Variants in LCAT observed in about 807,000 individuals in gnomAD.
LCAT encodes the protein lecithin-cholesterol acyltransferase.
In LCAT, 15 loss-of-function variants were observed where a neutral mutation model predicts 41.0. That is an observed-to-expected ratio of 0.37 (90% CI 0.24 to 0.56). LCAT has a LOEUF of 0.56. Among genes scored for constraint, LCAT ranks in the 20% least tolerant of loss-of-function variants. The pLI, the probability that LCAT is intolerant of heterozygous loss-of-function variation, is 0.81. For synonymous variants in LCAT, 248 were observed against 245.4 expected (o/e 1.01, Z -0.10); for missense variants, 449 against 595.1 (o/e 0.75, Z 2.55).
At position 67,943,072 on chromosome 16, in the gene LCAT, A is replaced by G. The variant is rs2058301707; in HGVS notation, c.295T>C (p.Trp99Arg). ...NMFLPLGVDC[W>R]IDNTRVVYNR... is the part of the protein sequence containing the mutation. Reference sequence around the variant, plus strand: ...TGGCTGTACCTGGTGTTATCGATCCAGCAGTCTACCCCAAGGGGTAGGAAC... The same window carrying G: ...TGGCTGTACCTGGTGTTATCGATCCGGCAGTCTACCCCAAGGGGTAGGAAC... The change falls in exon 2 of 6, where the codon TGG becomes CGG. Residue 99 changes from tryptophan to arginine, a missense_variant. By Grantham distance (101) the Trp-to-Arg change is moderately radical. Transcript: ENST00000264005. This position sits in a 1 kb window ranked among gnomAD's most constrained non-coding sequence, Gnocchi z 4.6. 5 of 1,614,034 alleles carry G rather than the reference A, an allele frequency of 3.1e-6. No homozygotes were observed. Among genetic ancestry groups the G allele is most frequent in the Non-Finnish European group, 3.4e-6 (4 of 1,179,934 alleles).
At position 67,942,740 on chromosome 16, in the gene LCAT, G is replaced by A; in HGVS notation, c.454C>T (p.Leu152=). ...AGYLHTLVQN[L]VNNGYVRDET... is the part of the protein sequence containing the mutation. ...TCCCGCACGTAGCCATTGTTGACCA[G>A]GTTCTGCACCAGTGTGTGCAGGTAC... is the stretch of plus-strand genomic sequence containing the variant. The change falls in exon 4 of 6, where the codon CTG becomes TTG. Residue 152 remains leucine, a synonymous_variant. Coordinates refer to ENST00000264005, the MANE Select transcript of LCAT (RefSeq NM_000229.2). This position sits in a 1 kb window ranked among gnomAD's most constrained non-coding sequence, Gnocchi z 6.6. 1.2e-6 allele frequency: 2 copies of A among 1,612,918 alleles called. No individual in the cohort carries two copies. The highest frequency in any genetic ancestry group is 8.5e-7 in the Non-Finnish European group (1 of 1,179,950).
Position 67,943,863 on chromosome 16 carries a change from G to T in LCAT, c.154+85C>A. The T allele has an allele frequency of 7.6e-7, 1 of 1,316,434 alleles. No homozygotes were observed. The highest frequency in any genetic ancestry group is 1.0e-6 in the Non-Finnish European group (1 of 962,830). The allele number at this position is 1,316,434 out of a possible 1,614,324, so 81.5% of individuals were successfully genotyped here. On this transcript the variant is annotated intron_variant, in intron 1 of 5. Coordinates refer to ENST00000264005, the MANE Select transcript of LCAT (RefSeq NM_000229.2). The surrounding 1 kb of genome is among the most constrained non-coding windows in gnomAD (Gnocchi z 4.6). ...GTCGGGGCTTATGCAGGGCAGAAGG[G>T]CTTTGGCCAGGTCAGCTGCCAGGGG... is the stretch of plus-strand genomic sequence containing the variant.
chr16:67,939,818 G>A lies in LCAT; in HGVS notation c.*86C>T. The A allele has an allele frequency of 6.4e-7, 1 of 1,557,212 alleles. No homozygotes were observed. The highest frequency in any genetic ancestry group is 8.7e-7 in the Non-Finnish European group (1 of 1,148,826). Reference sequence around the variant, plus strand: ...ACACAGCACTGAGCCTGTGGCTGGTGAGGAGTGAAACCTAGTGTGGGACTC... The same window carrying A: ...ACACAGCACTGAGCCTGTGGCTGGTAAGGAGTGAAACCTAGTGTGGGACTC... On this transcript the variant is annotated 3_prime_UTR_variant, in exon 6 of 6. Coordinates refer to ENST00000264005, the MANE Select transcript of LCAT (RefSeq NM_000229.2).
At chr16:67,941,652 C>A in intron 5 of LCAT, 2 of 985,042 alleles carry the variant, frequency 2.0e-6, no homozygotes, top group Non-Finnish European at 2.4e-6. Context: ...TTCCTGAGGA[C>A]CAGGGTGTGT....
At chr16:67,941,811 G>T in intron 5 of LCAT, 2 of 1,030,962 alleles carry the variant, frequency 1.9e-6, no homozygotes, top group African/African-American at 3.4e-5. Flanking sequence ...AAACAAGATG[G>T]TGTCTGTTTG....
At position 67,943,373 on chromosome 16, in the gene LCAT, T is replaced by G; in HGVS notation, c.155-161A>C. ...CTCCCCTGCTTACACCCCCTCTCCC[T>G]GCTGTCCCCCCAGTAGCCAAAGCCC... On this transcript the variant is annotated intron_variant, in intron 1 of 5. Transcript: ENST00000264005. This position sits in a 1 kb window ranked among gnomAD's most constrained non-coding sequence, Gnocchi z 4.6. 3.3e-6 allele frequency: 2 copies of G among 614,140 alleles called. No homozygotes were observed. Among genetic ancestry groups the G allele is most frequent in the Non-Finnish European group, 5.8e-6 (2 of 346,106 alleles). 38.0% of individuals were successfully genotyped at this position (614,140 alleles called of 1,614,324 possible). A position where few individuals can be genotyped will look rare whatever the true frequency, so the allele number is the denominator to read the frequency against.
Position 67,939,917 on chromosome 16 carries a change from G to A in LCAT, c.1310C>T (p.Pro437Leu), listed in dbSNP as rs376685971. The A allele has an allele frequency of 5.5e-5, 88 of 1,612,630 alleles. No homozygotes were observed. The East Asian group carries it at 6.9e-4, about 13-fold the overall frequency. ...AAAGGAAGGTCTTTATTCAGGAGGCGGGGGCTCTGGGCTGGCAGTCGGGGA... is the reference window on the plus strand; with the variant it reads ...AAAGGAAGGTCTTTATTCAGGAGGCAGGGGCTCTGGGCTGGCAGTCGGGGA... ...PASPTASPEP[P>L]PPE is the part of the protein sequence containing the mutation. Residue 437 changes from proline to leucine, a missense_variant, in exon 6 of 6, where the codon CCG becomes CTG. Coordinates refer to ENST00000264005, the MANE Select transcript of LCAT (RefSeq NM_000229.2).
chr16:67,941,682 C>G, intron 5 of LCAT: 1 of 994,648 alleles, frequency 1.0e-6, no homozygotes, highest in Non-Finnish European at 1.2e-6. Context: ...GGGTGAGGCC[C>G]AGGATGTGTG....
At chr16:67,940,694 G>T (rs1047546254) in intron 5 of LCAT, 2 of 787,584 alleles carry the variant, frequency 2.5e-6, no homozygotes, top group South Asian at 3.7e-5. Flanking sequence ...GGGTGGAGCT[G>T]TAGGGCTTCA....
At position 67,939,943 on chromosome 16, in the gene LCAT, T is replaced by C. The variant is rs1440192009; in HGVS notation, c.1284A>G (p.Ala428=). 6.2e-7 allele frequency: 1 copy of C among 1,613,356 alleles called. No homozygotes were observed. Among genetic ancestry groups the C allele is most frequent in the Non-Finnish European group, 8.5e-7 (1 of 1,179,958 alleles). ...LLGAYRQGPP[A]SPTASPEPPP... ...GGGGCTCTGGGCTGGCAGTCGGGGA[T>C]GCAGGGGGACCCTGGCGGTAGGCAC... The change falls in exon 6 of 6, where the codon GCA becomes GCG. Residue 428 remains alanine, a synonymous_variant. Transcript: ENST00000264005.
At position 67,943,108 on chromosome 16, in the gene LCAT, C is replaced by A; in HGVS notation, c.259G>T (p.Asp87Tyr). Residue 87 changes from aspartate to tyrosine, a missense_variant, in exon 2 of 6, where the codon GAT becomes TAT. Physicochemically the swap from Asp to Tyr is radical, Grantham distance 160 (BLOSUM62 -3). Coordinates refer to ENST00000264005, the MANE Select transcript of LCAT (RefSeq NM_000229.2). This position sits in a 1 kb window ranked among gnomAD's most constrained non-coding sequence, Gnocchi z 4.6. The stretch of plus-strand genomic sequence containing the variant: ...CCAAGGGGTAGGAACATGTTGAGAT[C>A]CAGCCAGATGGTGAAGAAGTCCTCT... ...KTEDFFTIWL[D>Y]LNMFLPLGVD... The A allele has an allele frequency of 1.2e-6, 2 of 1,614,018 alleles. No homozygotes were observed. Among genetic ancestry groups the A allele is most frequent in the Non-Finnish European group, 1.7e-6 (2 of 1,179,954 alleles).
chr16:67,940,063 T>C lies in LCAT; in HGVS notation c.1164A>G (p.Pro388=), dbSNP rs761272947. Residue 388 remains proline, a synonymous_variant, in exon 6 of 6, where the codon CCA becomes CCG. Coordinates refer to ENST00000264005, the MANE Select transcript of LCAT (RefSeq NM_000229.2). ...ELCGLWQGRQ[P]QPVHLLPLHG... ...GCAGGGGCAGCAGGTGCACAGGCTG[T>C]GGCTGGCGGCCCTGCCACAGGCCAC... 1 of 1,612,756 alleles carries C rather than the reference T, an allele frequency of 6.2e-7. No individual in the cohort carries two copies.
chr16:67,940,885 G>C (rs189766806), intron 5 of LCAT: 1 of 215,722 alleles, frequency 4.6e-6, no homozygotes, highest in Non-Finnish European at 9.5e-6. Context: ...TGCACCTCTA[G>C]TCCTAGCTAC....
Position 67,943,366 on chromosome 16 carries a change from CT to C in LCAT, c.155-155del. 1 of 717,276 alleles carries C rather than the reference CT, an allele frequency of 1.4e-6. No individual in the cohort carries two copies. The highest frequency in any genetic ancestry group is 2.4e-6 in the Non-Finnish European group (1 of 413,896). The allele number at this position is 717,276 out of a possible 1,614,324, so 44.4% of individuals were successfully genotyped here. A position where few individuals can be genotyped will look rare whatever the true frequency, so the allele number is the denominator to read the frequency against. On this transcript the variant is annotated intron_variant, in intron 1 of 5. Transcript: ENST00000264005. This position sits in a 1 kb window ranked among gnomAD's most constrained non-coding sequence, Gnocchi z 4.6. ...ACTTACCCTCCCCTGCTTACACCCC[CT>C]CTCCCTGCTGTCCCCCCAGTAGCCA...
chr16:67,943,286 AGT>A lies in LCAT; in HGVS notation c.155-76_155-75del. The A allele has an allele frequency of 4.7e-6, 7 of 1,505,330 alleles. No individual in the cohort carries two copies. Among genetic ancestry groups the A allele is most frequent in the Non-Finnish European group, 6.3e-6 (7 of 1,109,156 alleles). 93.2% of individuals were successfully genotyped at this position (1,505,330 alleles called of 1,614,324 possible). On this transcript the variant is annotated intron_variant, in intron 1 of 5. Coordinates refer to ENST00000264005, the MANE Select transcript of LCAT (RefSeq NM_000229.2). The surrounding 1 kb of genome is among the most constrained non-coding windows in gnomAD (Gnocchi z 4.6). ...TTACCCCCGTCACCCCAGATGCTGC[AGT>A]GACCAGACCCACCCCCCACCTCCCA...
chr16:67,943,309 T>G lies in LCAT; in HGVS notation c.155-97A>C. The G allele has an allele frequency of 3.6e-6, 4 of 1,098,858 alleles. No individual in the cohort carries two copies. Among genetic ancestry groups the G allele is most frequent in the Non-Finnish European group, 5.0e-6 (4 of 792,140 alleles). The allele number at this position is 1,098,858 out of a possible 1,614,324, so 68.1% of individuals were successfully genotyped here. A position where few individuals can be genotyped will look rare whatever the true frequency, so the allele number is the denominator to read the frequency against. ...GCAGTGACCAGACCCACCCCCCACC[T>G]CCCATACCCTCAACCCCCAGGTACA... is the stretch of plus-strand genomic sequence containing the variant. On this transcript the variant is annotated intron_variant, in intron 1 of 5. Coordinates refer to ENST00000264005, the MANE Select transcript of LCAT (RefSeq NM_000229.2). This position sits in a 1 kb window ranked among gnomAD's most constrained non-coding sequence, Gnocchi z 4.6.
In LCAT at chr16:67,943,522, G is replaced by A; in HGVS notation, c.155-310C>T. 2 of 519,638 alleles carry A rather than the reference G, an allele frequency of 3.8e-6. No individual in the cohort carries two copies. The highest frequency in any genetic ancestry group is 7.0e-6 in the Non-Finnish European group (2 of 285,396). 32.2% of individuals were successfully genotyped at this position (519,638 alleles called of 1,614,324 possible). ...CCAAAGTCCAAGGTGGGAACAGATA[G>A]GTCTGGGGGCATGGGGGCTGGGCCT... On this transcript the variant is annotated intron_variant, in intron 1 of 5. Transcript: ENST00000264005. The surrounding 1 kb of genome is among the most constrained non-coding windows in gnomAD (Gnocchi z 4.6).
rs1419158218 is a variant in LCAT at position 67,942,976 on chromosome 16, C to T, written c.312G>A (p.Arg104=). The T allele has an allele frequency of 1.2e-6, 2 of 1,613,714 alleles. No individual in the cohort carries two copies. The highest frequency in any genetic ancestry group is 1.7e-5 in the Admixed American group (1 of 59,994). Residue 104 remains arginine (R), a splice_region_variant and synonymous_variant, in exon 3 of 6, where the codon AGG becomes AGA. Coordinates refer to ENST00000264005, the MANE Select transcript of LCAT (RefSeq NM_000229.2). This position sits in a 1 kb window ranked among gnomAD's most constrained non-coding sequence, Gnocchi z 6.6. ...GCCCAGAGCTCCGGTTGTAGACAAC[C>T]CTGCGGGGCGGGGGTGCCACTCAGC... is the stretch of plus-strand genomic sequence containing the variant. ...LGVDCWIDNT[R]VVYNRSSGLV... is the part of the protein sequence containing the mutation.
At position 67,939,936 on chromosome 16, in the gene LCAT, T is replaced by G; in HGVS notation, c.1291A>C (p.Thr431Pro). 3 of 1,613,366 alleles carry G rather than the reference T, an allele frequency of 1.9e-6. No individual in the cohort carries two copies. The highest frequency in any genetic ancestry group is 2.5e-6 in the Non-Finnish European group (3 of 1,179,908). ...AYRQGPPASP[T>P]ASPEPPPPE ...GGAGGCGGGGGCTCTGGGCTGGCAG[T>G]CGGGGATGCAGGGGGACCCTGGCGG... The change falls in exon 6 of 6, where the codon ACT becomes CCT. Residue 431 changes from threonine to proline, a missense_variant. By Grantham distance (38) the Thr-to-Pro change is conservative. Coordinates refer to ENST00000264005, the MANE Select transcript of LCAT (RefSeq NM_000229.2).
Sources: gnomAD v4.1 joint callset for allele counts on GRCh38, gnomAD v4.1.1 for gene constraint, Gnocchi (gnomAD v3.1) non-coding constraint, MANE v1.5 for transcripts, NCBI Gene and HGNC (gene_info 2026-07-23, HGNC 2026-07-21) for gene names.